Variants in NTRK3 observed in about 807,000 individuals in gnomAD.
NTRK3 encodes NT-3 growth factor receptor.
NTRK3 carries 24 observed loss-of-function variants against 91.7 expected under a neutral mutation model. The observed-to-expected ratio is 0.26, with a 90% CI of 0.19 to 0.37. NTRK3 has a LOEUF of 0.37. Among genes scored for constraint, NTRK3 ranks in the 10% least tolerant of loss-of-function variants. The pLI, the probability that NTRK3 is intolerant of heterozygous loss-of-function variation, is 1.00. For missense variants in NTRK3, 880 were observed against 1,068.9 expected (o/e 0.82, Z 2.46); for synonymous variants, 483 against 404.0 (o/e 1.20, Z -2.34).
chr15:88,226,716 C>T (rs1261388043), intron 3 of NTRK3, among the ~76,000 whole-genome samples: 2 of 152,370 alleles, frequency 1.3e-5, no homozygotes, highest in South Asian at 2.1e-4. Flanking sequence ...CCCACACTCA[C>T]ATGGTCTTGT....
chr15:88,002,256 G>A (rs2076163695), intron 14 of NTRK3, among the ~76,000 whole-genome samples: 1 of 131,634 alleles, frequency 7.6e-6, no homozygotes, highest in Non-Finnish European at 1.5e-5. Context: ...AAGCTATAAA[G>A]CATTCAGGCT....
At chr15:88,222,120 T>G (rs138482904) in intron 3 of NTRK3, among the ~76,000 whole-genome samples, 28 of 152,360 alleles carry the variant, frequency 1.8e-4, no homozygotes, top group African/African-American at 6.3e-4. Context: ...ACAGAGGGAC[T>G]GTTTGCCAAC....
intron 6 of NTRK3, among the ~76,000 whole-genome samples, chr15:88,145,390 T>C (rs1172744090): frequency 6.6e-6 from 1 of 152,094 alleles, no homozygotes; most frequent in Non-Finnish European, 1.5e-5. Flanking sequence ...GTTAACAATA[T>C]GACAGAAATA....
chr15:88,239,545 C>G (rs780037601), intron 3 of NTRK3, among the ~76,000 whole-genome samples: 1 of 152,072 alleles, frequency 6.6e-6, no homozygotes, highest in Non-Finnish European at 1.5e-5. Context: ...GGTTGGATCA[C>G]GCAGGTCAAG....
intron 14 of NTRK3, among the ~76,000 whole-genome samples, chr15:88,016,909 G>A (rs1596719941): frequency 6.8e-6 from 1 of 146,568 alleles, no homozygotes; most frequent in African/African-American, 2.5e-5. Flanking sequence ...CCCAGGGAAG[G>A]GGAATATACC....
intron 14 of NTRK3, among the ~76,000 whole-genome samples, chr15:87,949,025 G>C (rs888902087): frequency 6.6e-6 from 1 of 152,182 alleles, no homozygotes; most frequent in Non-Finnish European, 1.5e-5. Flanking sequence ...TTCGTAGGCT[G>C]GGCCTAGCAC....
intron 6 of NTRK3, among the ~76,000 whole-genome samples, chr15:88,139,419 G>T (rs2042176014): frequency 6.6e-6 from 1 of 151,946 alleles, no homozygotes; most frequent in Non-Finnish European, 1.5e-5. Flanking sequence ...GGATATTTTT[G>T]ACAACTGGAA....
chr15:88,020,583 G>A (rs1325638147), intron 14 of NTRK3, among the ~76,000 whole-genome samples: 1 of 152,168 alleles, frequency 6.6e-6, no homozygotes, highest in Non-Finnish European at 1.5e-5. Context: ...TCAAGGCAAG[G>A]ATGATCACAT....
chr15:87,969,380 CAT>C (rs566085911), intron 14 of NTRK3, among the ~76,000 whole-genome samples: 44 of 152,202 alleles, frequency 2.9e-4, no homozygotes, highest in African/African-American at 8.7e-4. Context: ...TCCCCCAACT[CAT>C]ATATTGAAGG....
intron 17 of NTRK3, among the ~76,000 whole-genome samples, chr15:87,907,468 T>C (rs374614732): frequency 6.6e-6 from 1 of 152,124 alleles, no homozygotes. Flanking sequence ...ATGAGAGAAA[T>C]GAATGAAACT....
chr15:88,109,936 G>A (rs1002247995), intron 13 of NTRK3, among the ~76,000 whole-genome samples: 9 of 152,120 alleles, frequency 5.9e-5, no homozygotes, highest in African/African-American at 1.9e-4. Flanking sequence ...CTACACAGCT[G>A]GGGACTAAGC....
At chr15:87,994,414 C>T (rs1462601373) in intron 14 of NTRK3, among the ~76,000 whole-genome samples, 1 of 152,138 alleles carries the variant, frequency 6.6e-6, no homozygotes, top group Non-Finnish European at 1.5e-5. Context: ...GATACACACG[C>T]ACAGAACACC....
intron 5 of NTRK3, among the ~76,000 whole-genome samples, chr15:88,173,240 G>A (rs1002496461): frequency 1.2e-4 from 18 of 152,204 alleles, no homozygotes; most frequent in Admixed American, 1.3e-4. Flanking sequence ...GGTGTCAGAT[G>A]TTGAAGTTGC....
At chr15:87,935,909 T>A (rs1322812833) in intron 15 of NTRK3, among the ~76,000 whole-genome samples, 1 of 152,230 alleles carries the variant, frequency 6.6e-6, no homozygotes, top group African/African-American at 2.4e-5. Context: ...GCTTTCAAAG[T>A]GGGCTTTCCA....
chr15:88,049,524 C>T (rs1464153574), intron 13 of NTRK3, among the ~76,000 whole-genome samples: 1 of 152,170 alleles, frequency 6.6e-6, no homozygotes, highest in African/African-American at 2.4e-5. Flanking sequence ...GATCCTGACA[C>T]TGACCTAAGC....
chr15:88,151,010 T>C lies in NTRK3; in HGVS notation c.396-3607A>G, dbSNP rs193135331. ...CCCTGCTCATCAGACAAGAGTTTAA[T>C]TAAGAACACCCTGCCTCTGAGCCCC... On this transcript the variant is annotated intron_variant, in intron 5 of 18. Coordinates refer to ENST00000394480, the Ensembl canonical transcript of NTRK3. 2.8e-4 allele frequency among the ~76,000 whole-genome samples: 43 copies of C among 152,200 alleles called. No homozygotes were observed. In the East Asian group the frequency reaches 8.1e-3, roughly 29 times the overall value.
intron 13 of NTRK3, among the ~76,000 whole-genome samples, chr15:88,053,172 A>G (rs1026188687): frequency 2.0e-5 from 3 of 152,188 alleles, no homozygotes; most frequent in Non-Finnish European, 4.4e-5. Flanking sequence ...ACCAATAAAT[A>G]TATGTCATTT....
chr15:88,047,580 C>A (rs1438051469), intron 13 of NTRK3, among the ~76,000 whole-genome samples: 1 of 152,170 alleles, frequency 6.6e-6, no homozygotes. Context: ...CATTAAAACT[C>A]CTCACCTTCA....
chr15:88,037,393 C>T (rs1263868070), intron 13 of NTRK3, among the ~76,000 whole-genome samples: 1 of 152,046 alleles, frequency 6.6e-6, no homozygotes, highest in Non-Finnish European at 1.5e-5. Flanking sequence ...GAAACCCAGT[C>T]AATACTAAAA....
Sources: allele counts gnomAD v4.1 joint callset (sites outside exome capture counted in the v4.1 genomes callset), GRCh38; gene constraint gnomAD v4.1.1; transcripts MANE v1.5; gene names NCBI Gene and HGNC (gene_info 2026-07-23, HGNC 2026-07-21).